Variants in TRIM65 observed in about 807,000 individuals in gnomAD.
The protein encoded by TRIM65 is tripartite motif containing 65, also known as E3 ubiquitin-protein ligase TRIM65.
In TRIM65, 46 loss-of-function variants were observed where a neutral mutation model predicts 36.1. That is an observed-to-expected ratio of 1.27 (90% CI 1.01 to 1.63). The LOEUF is 1.63. TRIM65 is among the 40% of genes most tolerant of loss of function. TRIM65 has a pLI of 0.00. For synonymous variants in TRIM65, 346 were observed against 313.6 expected, an observed-to-expected ratio of 1.10 and a Z score of -1.09; for missense variants, 708 against 696.6, an observed-to-expected ratio of 1.02 and a Z score of -0.18.
chr17:75,885,876 T>C (rs1367147458), downstream of TRIM65, among the ~76,000 whole-genome samples: 1 of 152,218 alleles, frequency 6.6e-6, no homozygotes, highest in Non-Finnish European at 1.5e-5. Context: ...GGCAGCGTCC[T>C]GCTCCTATCC....
Position 75,896,780 on chromosome 17 carries a change from G to T in TRIM65, c.158C>A (p.Pro53His). The T allele has an allele frequency of 1.3e-6, 2 of 1,499,858 alleles. No individual in the cohort carries two copies. 92.9% of individuals were successfully genotyped at this position (1,499,858 alleles called of 1,614,324 possible). The change falls in exon 1 of 6, where the codon CCC becomes CAC. Residue 53 changes from proline (P) to histidine (H), a missense_variant. By Grantham distance (77) the Pro-to-His change is moderately conservative (BLOSUM62 -2). Coordinates refer to ENST00000269383, the MANE Select transcript of TRIM65 (RefSeq NM_173547.4). Reference protein sequence around the residue: ...CGKACPECREPFPDGAELRRN... With the variant: ...CGKACPECREHFPDGAELRRN... The stretch of plus-strand genomic sequence containing the variant: ...GCGCAGCTCGGCGCCGTCGGGAAAG[G>T]GCTCCCGGCACTCGGGGCACGCCTT...
chr17:75,895,152 C>T (rs1370691192), intron 1 of TRIM65, among the ~76,000 whole-genome samples: 4 of 152,286 alleles, frequency 2.6e-5, no homozygotes, highest in Admixed American at 2.6e-4. Context: ...CAGGTGTCTC[C>T]CTTGCCGCCC....
chr17:75,891,840 A>T lies in TRIM65; in HGVS notation c.958T>A (p.Cys320Ser). The change falls in exon 5 of 6, where the codon TGT (cysteine) becomes AGT (serine). Residue 320 changes from cysteine (C) to serine (S), a missense_variant. Transcript: ENST00000269383. ...GPLAPVPSTV[C>S]PLRRKLWQNY... ...TGCCAGAGTTTCCTCCTCAGTGGAC[A>T]AACTGTGCTTGGGACCGGTGCCAGG... 6.2e-7 allele frequency: 1 copy of T among 1,612,838 alleles called. No individual in the cohort carries two copies. Among genetic ancestry groups the T allele is most frequent in the Non-Finnish European group, 8.5e-7 (1 of 1,179,360 alleles).
intron 4 of TRIM65, among the ~76,000 whole-genome samples, chr17:75,881,253 A>AAAAAG (rs1279675947): frequency 9.7e-5 from 12 of 124,242 alleles, no homozygotes; most frequent in South Asian, 2.5e-4. Context: ...AAAAAAAAAA[A>AAAAAG]AAAAGAAAAG....
downstream of TRIM65, among the ~76,000 whole-genome samples, chr17:75,885,711 C>T (rs1211368702): frequency 5.3e-5 from 8 of 152,304 alleles, no homozygotes; most frequent in Admixed American, 1.3e-4. Flanking sequence ...TGGAGGCTGA[C>T]GTGTCTGCAA....
chr17:75,886,122 C>CCATATGAGACAT (rs2065204941), downstream of TRIM65, among the ~76,000 whole-genome samples: 1 of 152,202 alleles, frequency 6.6e-6, no homozygotes. Context: ...CGCCTGCACA[C>CCATATGAGACAT]GCTTTCCTTG....
chr17:75,895,704 T>C (rs148672619), intron 1 of TRIM65, among the ~76,000 whole-genome samples: 49 of 152,324 alleles, frequency 3.2e-4, no homozygotes, highest in African/African-American at 1.1e-3. Context: ...AACCCCTCTA[T>C]CACATGCCAT....
In TRIM65 at chr17:75,889,585, G is replaced by C. The variant is rs2144038387; in HGVS notation, c.*1194C>G. 1 of 152,308 alleles carries C rather than the reference G, an allele frequency of 6.6e-6. No individual in the cohort carries two copies. The highest frequency in any genetic ancestry group is 2.1e-4 in the South Asian group (1 of 4,820). 9.4% of individuals were successfully genotyped at this position (152,308 alleles called of 1,614,324 possible). ...CGGCTGCCCCAAAGTCCCACACCCA[G>C]GGGTGGGATGCTGGAGATGAAGGTC... On this transcript the variant is annotated 3_prime_UTR_variant, in exon 6 of 6. Coordinates refer to ENST00000269383, the MANE Select transcript of TRIM65 (RefSeq NM_173547.4).
chr17:75,885,331 G>C (rs2065199290), downstream of TRIM65, among the ~76,000 whole-genome samples: 1 of 152,086 alleles, frequency 6.6e-6, no homozygotes. Context: ...CTGTCACCCA[G>C]GCTGGTGAGA....
chr17:75,879,776 G>A (rs1198361610), downstream of TRIM65, among the ~76,000 whole-genome samples: 1 of 150,240 alleles, frequency 6.7e-6, no homozygotes, highest in African/African-American at 2.5e-5. Context: ...TTTTTTAGAT[G>A]GAGTTTCGCT....
In TRIM65 at chr17:75,896,854, G is replaced by A. The variant is rs971903728; in HGVS notation, c.84C>T (p.Gly28=). ...LYQDPVTLPC[G]HNFCGACIRD... is the part of the protein sequence containing the mutation. ...GGATGCAGGCCCCGCAGAAGTTGTGGCCGCAGGGCAGCGTCACTGGGTCCT... is the reference window on the plus strand; with the variant it reads ...GGATGCAGGCCCCGCAGAAGTTGTGACCGCAGGGCAGCGTCACTGGGTCCT... The change falls in exon 1 of 6, where the codon GGC becomes GGT. Residue 28 remains glycine (G), a synonymous_variant. Coordinates refer to ENST00000269383, the MANE Select transcript of TRIM65 (RefSeq NM_173547.4). 2.6e-6 allele frequency: 4 copies of A among 1,530,990 alleles called. No individual in the cohort carries two copies. The African/African-American group carries it at 4.2e-5, about 16-fold the overall frequency. The allele number at this position is 1,530,990 out of a possible 1,614,324, so 94.8% of individuals were successfully genotyped here. A position where few individuals can be genotyped will look rare whatever the true frequency, so the allele number is the denominator to read the frequency against.
rs769963005 is a variant in TRIM65 at position 75,896,608 on chromosome 17, G to C, written c.330C>G (p.Gly110=). 6 of 1,265,504 alleles carry C rather than the reference G, an allele frequency of 4.7e-6. No individual in the cohort carries two copies. The South Asian group carries it at 1.8e-4, about 38-fold the overall frequency. 78.4% of individuals were successfully genotyped at this position (1,265,504 alleles called of 1,614,324 possible). A position where few individuals can be genotyped will look rare whatever the true frequency, so the allele number is the denominator to read the frequency against. The change falls in exon 1 of 6, where the codon GGC becomes GGG. Residue 110 remains glycine (G), a synonymous_variant. Transcript: ENST00000269383. Reference sequence around the variant, plus strand: ...CGGTGCACACGCTGCACACACAGCGGCCCTCGGTCCGGCAGAAGAGCTCCA... The same window carrying C: ...CGGTGCACACGCTGCACACACAGCGCCCCTCGGTCCGGCAGAAGAGCTCCA... ...RPLELFCRTE[G]RCVCSVCTVR... is the part of the protein sequence containing the mutation.
intron 4 of TRIM65, 60 bp from the exon 5 acceptor site, chr17:75,891,938 C>T: frequency 6.4e-7 from 1 of 1,563,346 alleles, no homozygotes; most frequent in Non-Finnish European, 8.7e-7. Flanking sequence ...TGGGCCCTGA[C>T]CCGCCTCCAC....
At chr17:75,891,749 C>T in intron 5 of TRIM65, 64 bp downstream of exon 5, 1 of 1,396,048 alleles carries the variant, frequency 7.2e-7, no homozygotes, top group Non-Finnish European at 9.8e-7. Context: ...GTGCTCACAG[C>T]ACACACAGGC....
intron 1 of TRIM65, 78 bp from the exon 2 acceptor site, chr17:75,892,928 A>C: frequency 7.6e-7 from 1 of 1,313,820 alleles, no homozygotes; most frequent in Non-Finnish European, 1.1e-6. Context: ...ACAACCAACC[A>C]TGCCTGCAGA....
chr17:75,885,925 C>T (rs956296559), downstream of TRIM65, among the ~76,000 whole-genome samples: 1 of 152,194 alleles, frequency 6.6e-6, no homozygotes, highest in Admixed American at 6.5e-5. Context: ...CTTTACCCTT[C>T]ACCTCTGATA....
chr17:75,892,382 A>T lies in TRIM65; in HGVS notation c.629T>A (p.Leu210Gln), dbSNP rs1273624310. Residue 210 changes from leucine to glutamine, a missense_variant, in exon 3 of 6, where the codon CTG becomes CAG. Physicochemically the swap from Leu to Gln is moderately radical, Grantham distance 113. Transcript: ENST00000269383. ...CTGCTCCTCGTCTCGAGCCTGTGCC[A>T]GCGCCTGCGTCTTGGCCACCTCGAT... is the stretch of plus-strand genomic sequence containing the variant. ...RSIEVAKTQA[L>Q]AQARDEEQRL... The T allele has an allele frequency of 6.2e-7, 1 of 1,613,776 alleles. No homozygotes were observed. Among genetic ancestry groups the T allele is most frequent in the Non-Finnish European group, 8.5e-7 (1 of 1,179,960 alleles).
intron 4 of TRIM65, among the ~76,000 whole-genome samples, chr17:75,883,426 C>CT (rs2065181655): frequency 1.3e-5 from 2 of 150,848 alleles, no homozygotes; most frequent in African/African-American, 4.9e-5. Flanking sequence ...CTTCTTTATG[C>CT]TTTTGATGTA....
At chr17:75,881,270 A>G (rs1318711486) in intron 4 of TRIM65, among the ~76,000 whole-genome samples, 3 of 149,350 alleles carry the variant, frequency 2.0e-5, no homozygotes, top group African/African-American at 7.6e-5. Context: ...AAAGAAAAGA[A>G]GAAAGAAAGA....
Sources: allele counts gnomAD v4.1 joint callset (sites outside exome capture counted in the v4.1 genomes callset), GRCh38; gene constraint gnomAD v4.1.1; transcripts MANE v1.5; gene names NCBI Gene and HGNC (gene_info 2026-07-23, HGNC 2026-07-21).